The following NFATC2 variants were observed in gnomAD, a reference collection of about 807,000 sequenced individuals.
The protein encoded by NFATC2 is nuclear factor of activated T-cells, cytoplasmic 2.
A neutral mutation model predicts 87.3 loss-of-function variants in NFATC2; 22 were observed. That is an observed-to-expected ratio of 0.25 (90% CI 0.18 to 0.36). The LOEUF is 0.36. Among genes scored for constraint, NFATC2 ranks in the 10% least tolerant of loss-of-function variants. NFATC2 has a pLI of 1.00. For missense variants in NFATC2, 1,149 were observed against 1,259.1 expected, an observed-to-expected ratio of 0.91 and a Z score of 1.32; for synonymous variants, 565 against 542.2, an observed-to-expected ratio of 1.04 and a Z score of -0.58.
intron 6 of NFATC2, 51 bp downstream of exon 6, chr20:51,454,497 C>A: frequency 1.2e-6 from 2 of 1,601,136 alleles, no homozygotes; most frequent in South Asian, 1.1e-5. Flanking sequence ...AAGAGATGGT[C>A]ACTTTTGCAT....
chr20:51,548,298 C>T (rs1220184845), intron 1 of NFATC2, among the ~76,000 whole-genome samples: 3 of 152,204 alleles, frequency 2.0e-5, no homozygotes, highest in Non-Finnish European at 2.9e-5. Flanking sequence ...CCCTGCCTGT[C>T]CTAATAAAAA....
chr20:51,558,462 T>A (rs1015738823), intron 1 of NFATC2, among the ~76,000 whole-genome samples: 2 of 151,780 alleles, frequency 1.3e-5, no homozygotes, highest in Non-Finnish European at 2.9e-5. Flanking sequence ...ATTTAGTAAT[T>A]GGATTTAGGC....
chr20:51,512,491 TC>T (rs1421878794), intron 3 of NFATC2, among the ~76,000 whole-genome samples: 1 of 152,136 alleles, frequency 6.6e-6, no homozygotes, highest in East Asian at 1.9e-4. Flanking sequence ...ACATGGCAGG[TC>T]CCCAGTGAGA....
chr20:51,511,264 T>C (rs780504638), intron 3 of NFATC2, among the ~76,000 whole-genome samples: 5 of 152,194 alleles, frequency 3.3e-5, no homozygotes, highest in Non-Finnish European at 7.4e-5. Flanking sequence ...CCTGGGCTTG[T>C]CTGTTTGTGA....
intron 1 of NFATC2, among the ~76,000 whole-genome samples, chr20:51,530,542 C>T (rs554615007): frequency 6.6e-6 from 1 of 152,256 alleles, no homozygotes; most frequent in African/African-American, 2.4e-5. Flanking sequence ...ATACAACGTC[C>T]TCACTGGTGG....
intron 9 of NFATC2, among the ~76,000 whole-genome samples, chr20:51,418,325 G>GC (rs1263657671): frequency 6.6e-6 from 1 of 152,188 alleles, no homozygotes; most frequent in African/African-American, 2.4e-5. Context: ...GGGCAACTCT[G>GC]CCCCCCAGGG....
intron 9 of NFATC2, among the ~76,000 whole-genome samples, chr20:51,408,312 G>A (rs904774013): frequency 1.3e-5 from 2 of 152,008 alleles, no homozygotes; most frequent in East Asian, 1.9e-4. Context: ...TCAGGAGTTC[G>A]AGACCAGCCT....
chr20:51,492,636 G>T (rs1416897577), intron 3 of NFATC2, among the ~76,000 whole-genome samples: 1 of 152,174 alleles, frequency 6.6e-6, no homozygotes, highest in Non-Finnish European at 1.5e-5. Context: ...GCTGGCACCC[G>T]CCCGGGCCCG....
At chr20:51,420,704 A>G (rs1980762924) in intron 9 of NFATC2, among the ~76,000 whole-genome samples, 1 of 152,192 alleles carries the variant, frequency 6.6e-6, no homozygotes, top group African/African-American at 2.4e-5. Flanking sequence ...ATGAACTATA[A>G]TAAAAACAAA....
intron 10 of NFATC2, among the ~76,000 whole-genome samples, chr20:51,397,982 C>T (rs896158403): frequency 6.6e-5 from 10 of 152,180 alleles, no homozygotes; most frequent in African/African-American, 2.2e-4. Flanking sequence ...ACGATAAGGT[C>T]TTCTTAGCGG....
At chr20:51,392,765 G>T (rs908301456) in intron 10 of NFATC2, among the ~76,000 whole-genome samples, 6 of 152,170 alleles carry the variant, frequency 3.9e-5, no homozygotes, top group Non-Finnish European at 4.4e-5. Flanking sequence ...TAAATGTTCA[G>T]AGTTGCCCGA....
chr20:51,395,850 C>T (rs1987006345), intron 10 of NFATC2, among the ~76,000 whole-genome samples: 1 of 151,678 alleles, frequency 6.6e-6, no homozygotes, highest in African/African-American at 2.4e-5. Context: ...ACAAACTTCT[C>T]CTGGAAAGGG....
chr20:51,437,977 C>A (rs1358909644), intron 6 of NFATC2, among the ~76,000 whole-genome samples: 2 of 151,354 alleles, frequency 1.3e-5, no homozygotes, highest in Non-Finnish European at 2.9e-5. Flanking sequence ...ATACTTCGGC[C>A]CCCTGTTTTC....
intron 5 of NFATC2, among the ~76,000 whole-genome samples, chr20:51,460,332 G>A (rs1017147077): frequency 6.6e-6 from 1 of 152,234 alleles, no homozygotes. Flanking sequence ...CCTTGTAGGG[G>A]TTTTCACAGC....
At chr20:51,407,126 C>G (rs1978448792) in intron 9 of NFATC2, among the ~76,000 whole-genome samples, 1 of 152,184 alleles carries the variant, frequency 6.6e-6, no homozygotes. Context: ...GCCTTAGACA[C>G]CTGCTGTTCT....
chr20:51,447,907 T>A (rs1985275821), intron 6 of NFATC2, among the ~76,000 whole-genome samples: 1 of 152,222 alleles, frequency 6.6e-6, no homozygotes, highest in Non-Finnish European at 1.5e-5. Flanking sequence ...TGTCACCAGT[T>A]GTGGGCTGAC....
intron 5 of NFATC2, among the ~76,000 whole-genome samples, chr20:51,456,796 C>T (rs1986583387): frequency 6.6e-6 from 1 of 152,252 alleles, no homozygotes; most frequent in Non-Finnish European, 1.5e-5. Flanking sequence ...CCCTTCCCTC[C>T]TGCCTTGCCT....
intron 2 of NFATC2, among the ~76,000 whole-genome samples, chr20:51,519,485 A>G (rs950141539): frequency 1.3e-5 from 2 of 151,410 alleles, no homozygotes; most frequent in Non-Finnish European, 2.9e-5. Context: ...TTAGCCAGGC[A>G]TAGTGGTGTG....
intron 3 of NFATC2, among the ~76,000 whole-genome samples, chr20:51,494,788 T>C (rs2075960778): frequency 6.6e-6 from 1 of 152,176 alleles, no homozygotes; most frequent in Non-Finnish European, 1.5e-5. Flanking sequence ...AAAGCTCAAC[T>C]CTGACTTCTT....
Sources: gnomAD v4.1 joint callset for allele counts (sites outside exome capture counted in the v4.1 genomes callset) on GRCh38, gnomAD v4.1.1 for gene constraint, MANE v1.5 for transcripts, NCBI Gene and HGNC (gene_info 2026-07-23, HGNC 2026-07-21) for gene names.